Variants in CALN1 observed in about 807,000 individuals in gnomAD.
The protein encoded by CALN1 is calcium-binding protein 8.
A neutral mutation model predicts 30.6 loss-of-function variants in CALN1; 17 were observed. That is an observed-to-expected ratio of 0.56 (90% confidence interval 0.38 to 0.83). The LOEUF (loss-of-function observed/expected upper bound fraction) is 0.83. CALN1 is among the 40% of genes least tolerant of loss of function. CALN1 has a pLI of 0.00. For missense variants in CALN1, 291 were observed against 354.9 expected, an observed-to-expected ratio of 0.82 and a Z score of 1.45; for synonymous variants, 156 against 131.4, an observed-to-expected ratio of 1.19 and a Z score of -1.28.
chr7:72,219,743 C>A lies in CALN1; in HGVS notation c.244+58943G>T, dbSNP rs182662552. On this transcript the variant is annotated intron_variant, in intron 3 of 6. Coordinates refer to ENST00000395275, the MANE Select transcript of CALN1 (RefSeq NM_031468.4). ...ACACATACACACAAGCATGCACGCACACACACACACAGAGGCAGCAGAATA... is the reference window on the plus strand; with the variant it reads ...ACACATACACACAAGCATGCACGCAAACACACACACAGAGGCAGCAGAATA... 7.9e-3 allele frequency among the ~76,000 whole-genome samples: 1,200 copies of A among 151,594 alleles called. 19 individuals are homozygous for A. The highest frequency in any genetic ancestry group is 0.014 in the Middle Eastern group (4 of 294).
the CALN1 span, among the ~76,000 whole-genome samples, chr7:72,459,531 C>T: frequency 1.3e-5 from 2 of 149,906 alleles, no homozygotes; most frequent in African/African-American, 4.9e-5. Context: ...GAGGCTGAGG[C>T]AGGAGGATCC....
chr7:72,492,558 G>A, the CALN1 span, among the ~76,000 whole-genome samples: 2 of 152,202 alleles, frequency 1.3e-5, no homozygotes, highest in South Asian at 2.1e-4. Context: ...GTAGTCCTGC[G>A]GCTGCTGTTT....
intron 3 of CALN1, among the ~76,000 whole-genome samples, chr7:72,267,413 C>A (rs1796670630): frequency 2.0e-5 from 3 of 152,180 alleles, no homozygotes. Context: ...AAGGAGCACT[C>A]TGGGCTCACA....
At chr7:71,974,369 C>T (rs1166029492) in intron 5 of CALN1, among the ~76,000 whole-genome samples, 1 of 119,238 alleles carries the variant, frequency 8.4e-6, no homozygotes, top group African/African-American at 3.2e-5. Flanking sequence ...AGGGAGCTGA[C>T]ATCATGCCAC....
At chr7:72,055,908 C>T (rs1213100899) in intron 4 of CALN1, among the ~76,000 whole-genome samples, 1 of 152,140 alleles carries the variant, frequency 6.6e-6, no homozygotes, top group African/African-American at 2.4e-5. Context: ...ATAGTCCCAA[C>T]TACTCAGGAG....
At chr7:72,437,525 A>T (rs117861808) in intron 1 of CALN1, among the ~76,000 whole-genome samples, 1 of 150,636 alleles carries the variant, frequency 6.6e-6, no homozygotes, top group Non-Finnish European at 1.5e-5. Flanking sequence ...AGTTGTGTGG[A>T]GTGTGTGTGT....
At chr7:71,907,350 T>C (rs1794195663) in intron 5 of CALN1, among the ~76,000 whole-genome samples, 1 of 152,064 alleles carries the variant, frequency 6.6e-6, no homozygotes, top group Non-Finnish European at 1.5e-5. Context: ...ATATTACAGA[T>C]TCCTGGGCTG....
chr7:72,110,282 G>A (rs543921306), intron 3 of CALN1, among the ~76,000 whole-genome samples: 3 of 152,284 alleles, frequency 2.0e-5, no homozygotes, highest in South Asian at 4.1e-4. Context: ...ATGAGGACCC[G>A]GACAGCTGAG....
At chr7:72,198,753 G>A (rs1791213722) in intron 3 of CALN1, among the ~76,000 whole-genome samples, 1 of 152,184 alleles carries the variant, frequency 6.6e-6, no homozygotes, top group Non-Finnish European at 1.5e-5. Context: ...GTGTCACTTT[G>A]CACACTATAT....
intron 5 of CALN1, among the ~76,000 whole-genome samples, chr7:71,851,090 C>A (rs1240004580): frequency 1.3e-5 from 2 of 152,042 alleles, no homozygotes; most frequent in Non-Finnish European, 2.9e-5. Flanking sequence ...GTGGTGCACA[C>A]CTGTAGTCCT....
At chr7:72,356,350 A>G (rs576079124) in intron 2 of CALN1, among the ~76,000 whole-genome samples, 1 of 152,100 alleles carries the variant, frequency 6.6e-6, no homozygotes, top group East Asian at 1.9e-4. Flanking sequence ...TCTTAAATCC[A>G]CGAAGAAGTA....
chr7:72,171,657 G>A (rs1170794963), intron 3 of CALN1, among the ~76,000 whole-genome samples: 4 of 152,116 alleles, frequency 2.6e-5, no homozygotes, highest in Non-Finnish European at 5.9e-5. Context: ...TGTGAAGTAG[G>A]AGAGGGGAGA....
intron 3 of CALN1, among the ~76,000 whole-genome samples, chr7:72,117,401 C>T (rs765128691): frequency 9.9e-5 from 15 of 152,110 alleles, no homozygotes; most frequent in South Asian, 2.1e-4. Context: ...GATGCTATAC[C>T]GGTCAGGCTG....
intron 2 of CALN1, among the ~76,000 whole-genome samples, chr7:72,393,631 C>A (rs558660705): frequency 3.7e-4 from 56 of 152,124 alleles, no homozygotes; most frequent in African/African-American, 1.1e-3. Context: ...ACAGCTGGGC[C>A]CCCCCCAGGC....
intron 3 of CALN1, among the ~76,000 whole-genome samples, chr7:72,194,889 T>C (rs560362427): frequency 6.6e-6 from 1 of 151,944 alleles, no homozygotes; most frequent in African/African-American, 2.4e-5. Context: ...TTGCCTTTTA[T>C]TCCTCCCCTC....
intron 1 of CALN1, among the ~76,000 whole-genome samples, chr7:72,441,244 G>T (rs1265490521): frequency 6.6e-6 from 1 of 152,116 alleles, no homozygotes; most frequent in Admixed American, 6.6e-5. Flanking sequence ...AGATGAGAAA[G>T]ATCTGAGCAG....
intron 3 of CALN1, among the ~76,000 whole-genome samples, chr7:72,115,919 A>G (rs1357988753): frequency 1.3e-5 from 2 of 151,670 alleles, no homozygotes; most frequent in Non-Finnish European, 2.9e-5. Flanking sequence ...AACATGCAAT[A>G]TTTTTCTTTC....
intron 5 of CALN1, among the ~76,000 whole-genome samples, chr7:71,866,004 A>AT (rs943105836): frequency 6.6e-6 from 1 of 151,148 alleles, no homozygotes; most frequent in East Asian, 1.9e-4. Context: ...TACAAGGCAC[A>AT]TTTTTTTTCT....
intron 3 of CALN1, among the ~76,000 whole-genome samples, chr7:72,143,497 G>C (rs988046267): frequency 1.7e-4 from 26 of 152,196 alleles, no homozygotes; most frequent in Admixed American, 5.2e-4. Flanking sequence ...ATCTACGACT[G>C]ATTGGTGTAC....
Sources: gnomAD v4.1 joint callset for allele counts (sites outside exome capture counted in the v4.1 genomes callset) on GRCh38, gnomAD v4.1.1 for gene constraint, MANE v1.5 for transcripts, NCBI Gene and HGNC (gene_info 2026-07-23, HGNC 2026-07-21) for gene names.